Variants in CAP2 observed in about 807,000 individuals in gnomAD.
The protein encoded by CAP2 is cyclase associated actin cytoskeleton regulatory protein 2.
CAP2 carries 24 observed loss-of-function variants against 57.7 expected under a neutral mutation model. That is an observed-to-expected ratio of 0.42 (90% CI 0.30 to 0.58). The LOEUF is 0.58. Among genes scored for constraint, CAP2 ranks in the 20% least tolerant of loss-of-function variants. The pLI, the probability that CAP2 is intolerant of heterozygous loss-of-function variation, is 0.22. For missense variants in CAP2, 501 were observed against 590.3 expected (o/e 0.85, Z 1.57); for synonymous variants, 194 against 207.2 (o/e 0.94, Z 0.55).
chr6:17,502,128 C>T (rs1386178131), intron 4 of CAP2, among the ~76,000 whole-genome samples: 1 of 152,236 alleles, frequency 6.6e-6, no homozygotes, highest in Non-Finnish European at 1.5e-5. Flanking sequence ...ACTCCCTTGA[C>T]AGAAAACCAG....
rs554796291 is a variant in CAP2, at chr6:17,507,485, C to A, written c.445-156C>A. ...AGTTCAAGCTTTCTGTTCTGAGATA[C>A]TGTAGAAAGTGTTTTTATCAACCTT... is the stretch of plus-strand genomic sequence containing the variant. On this transcript the variant is annotated intron_variant, in intron 5 of 12. Coordinates refer to ENST00000229922, the MANE Select transcript of CAP2 (RefSeq NM_006366.3). Among the ~76,000 whole-genome samples the A allele has an allele frequency of 1.4e-4, 22 of 152,334 alleles. 3 individuals are homozygous for A. The South Asian group carries it at 4.6e-3, about 32-fold the overall frequency.
intron 6 of CAP2, 32 bp downstream of exon 6, chr6:17,507,758 A>G (rs146122387): frequency 5.0e-6 from 6 of 1,193,362 alleles, no homozygotes; most frequent in Non-Finnish European, 6.3e-6. Context: ...CCAAATTTTC[A>G]GTTGATTACT....
chr6:17,526,246 C>T (rs192288408), intron 7 of CAP2, among the ~76,000 whole-genome samples: 17 of 151,888 alleles, frequency 1.1e-4, no homozygotes, highest in African/African-American at 2.2e-4. Context: ...GCCTCAAGAG[C>T]GGCTGGGATT....
intron 7 of CAP2, among the ~76,000 whole-genome samples, chr6:17,518,271 T>C (rs1762315156): frequency 1.3e-5 from 2 of 152,246 alleles, no homozygotes; most frequent in South Asian, 4.1e-4. Flanking sequence ...TTTTGAATTT[T>C]AAAATCAAAT....
intron 8 of CAP2, among the ~76,000 whole-genome samples, chr6:17,539,664 C>T (rs1762854180): frequency 6.6e-6 from 1 of 152,162 alleles, no homozygotes; most frequent in Non-Finnish European, 1.5e-5. Context: ...CTGTGTAGAC[C>T]AGAAAGAAGT....
At chr6:17,460,877 G>A (rs914911943) in intron 3 of CAP2, among the ~76,000 whole-genome samples, 4 of 152,182 alleles carry the variant, frequency 2.6e-5, no homozygotes, top group African/African-American at 9.7e-5. Flanking sequence ...GCTGGGTGTG[G>A]TGGCTCATGC....
At chr6:17,479,832 A>G (rs925919682) in intron 4 of CAP2, among the ~76,000 whole-genome samples, 5 of 151,684 alleles carry the variant, frequency 3.3e-5, no homozygotes, top group African/African-American at 1.2e-4. Context: ...AGCCAGGATG[A>G]TCTCGATCTC....
intron 12 of CAP2, among the ~76,000 whole-genome samples, chr6:17,555,366 G>C (rs1194888485): frequency 2.0e-5 from 3 of 150,476 alleles, no homozygotes; most frequent in African/African-American, 7.3e-5. Context: ...GGCTAATTTT[G>C]TATTTTTAGT....
At chr6:17,437,870 G>A (rs61431835) in intron 3 of CAP2, among the ~76,000 whole-genome samples, 8,243 of 152,166 alleles carry the variant, frequency 0.054, 596 homozygotes, top group African/African-American at 0.17. Context: ...AACAGAGCAC[G>A]ACTCCGTCTC....
intron 1 of CAP2, among the ~76,000 whole-genome samples, chr6:17,407,194 T>C (rs1358201263): frequency 2.0e-5 from 3 of 152,190 alleles, no homozygotes; most frequent in Non-Finnish European, 1.5e-5. Context: ...TTCTTTCCAC[T>C]TTACCCACTT....
In CAP2 at chr6:17,538,809, G is replaced by A. The variant is rs146708084; in HGVS notation, c.637-460G>A. The stretch of plus-strand genomic sequence containing the variant: ...TCTCTTTCACTGCTTAAAAAGGTTC[G>A]GAAACATCCAATCACCACTGAATAT... On this transcript the variant is annotated intron_variant, in intron 7 of 12. Coordinates refer to ENST00000229922, the MANE Select transcript of CAP2 (RefSeq NM_006366.3). Among the ~76,000 whole-genome samples the A allele has an allele frequency of 2.8e-4, 43 of 152,234 alleles. No homozygotes were observed. The South Asian group carries it at 3.7e-3, about 13-fold the overall frequency.
intron 4 of CAP2, among the ~76,000 whole-genome samples, chr6:17,478,723 C>G (rs1761217399): frequency 6.6e-6 from 1 of 152,144 alleles, no homozygotes; most frequent in Non-Finnish European, 1.5e-5. Context: ...ACTCTGTCCT[C>G]CCTGATGTCA....
chr6:17,462,917 C>T (rs561881834), intron 3 of CAP2, 79 bp from the exon 4 acceptor site: 284 of 1,065,906 alleles, frequency 2.7e-4, no homozygotes, highest in African/African-American at 7.0e-4. Flanking sequence ...TATATACCTA[C>T]GGGTGGAATT....
intron 1 of CAP2, among the ~76,000 whole-genome samples, chr6:17,396,248 T>C (rs1328753047): frequency 6.6e-6 from 1 of 152,198 alleles, no homozygotes; most frequent in African/African-American, 2.4e-5. Context: ...TTGGCAGTTC[T>C]TCAAATTAAA....
intron 4 of CAP2, among the ~76,000 whole-genome samples, chr6:17,478,477 T>A (rs1253761339): frequency 1.3e-5 from 2 of 152,030 alleles, no homozygotes; most frequent in African/African-American, 2.4e-5. Flanking sequence ...AATACTTTTT[T>A]AATCTGATAA....
At chr6:17,477,590 A>G (rs1423093189) in intron 4 of CAP2, among the ~76,000 whole-genome samples, 1 of 152,176 alleles carries the variant, frequency 6.6e-6, no homozygotes, top group African/African-American at 2.4e-5. Context: ...TTTTTACAGT[A>G]AGAGAAACTC....
chr6:17,497,236 A>G (rs1050733167), intron 4 of CAP2, among the ~76,000 whole-genome samples: 1 of 152,192 alleles, frequency 6.6e-6, no homozygotes, highest in African/African-American at 2.4e-5. Flanking sequence ...TTACTAGTGA[A>G]GTCCCTCTGG....
intron 1 of CAP2, among the ~76,000 whole-genome samples, chr6:17,404,920 A>G (rs1234295962): frequency 6.6e-6 from 1 of 152,054 alleles, no homozygotes; most frequent in Non-Finnish European, 1.5e-5. Flanking sequence ...GGCACTCACC[A>G]GAAGGTATTG....
rs559034567 is a variant in CAP2 at position 17,526,264 on chromosome 6, C to T, written c.636+12310C>T. On this transcript the variant is annotated intron_variant, in intron 7 of 12. Transcript: ENST00000229922. Reference sequence around the variant, plus strand: ...TCAAGAGCGGCTGGGATTACAGGCACGCACCACCATACCTGACTAATTTTT... The same window carrying T: ...TCAAGAGCGGCTGGGATTACAGGCATGCACCACCATACCTGACTAATTTTT... Among the ~76,000 whole-genome samples, 963 of 152,064 alleles carry T rather than the reference C, an allele frequency of 6.3e-3. 13 individuals carry two copies. Among genetic ancestry groups the T allele is most frequent in the African/African-American group, 0.022 (898 of 41,484 alleles).
Sources: allele counts gnomAD v4.1 joint callset (sites outside exome capture counted in the v4.1 genomes callset), GRCh38; gene constraint gnomAD v4.1.1; transcripts MANE v1.5; gene names NCBI Gene and HGNC (gene_info 2026-07-23, HGNC 2026-07-21).